The following WWOX variants were observed in gnomAD, a reference collection of about 807,000 sequenced individuals.
WWOX encodes the protein WW domain-containing oxidoreductase.
In WWOX, 69 loss-of-function variants were observed where a neutral mutation model predicts 46.2. The observed-to-expected ratio is 1.49, with a 90% CI of 1.23 to 1.82. The LOEUF (loss-of-function observed/expected upper bound fraction) is 1.82, where lower values mean the gene tolerates loss of function less well. WWOX is among the 40% of genes most tolerant of loss of function. WWOX has a pLI of 0.00. For missense variants in WWOX, 919 were observed against 542.6 expected (o/e 1.69, Z -6.89); for synonymous variants, 359 against 202.6 (o/e 1.77, Z -6.56).
intron 8 of WWOX, among the ~76,000 whole-genome samples, chr16:78,517,910 C>G (rs933564686): frequency 4.5e-4 from 60 of 132,286 alleles, no homozygotes; most frequent in African/African-American, 1.6e-3. Context: ...AATGAAGAAC[C>G]AGGACACCTC....
At chr16:79,049,836 A>G (rs1597324781) in intron 8 of WWOX, among the ~76,000 whole-genome samples, 1 of 132,756 alleles carries the variant, frequency 7.5e-6, no homozygotes, top group African/African-American at 2.6e-5. Flanking sequence ...CTCTGTCTCA[A>G]AAAAAAAAAA....
intron 8 of WWOX, among the ~76,000 whole-genome samples, chr16:78,887,721 C>G (rs998137054): frequency 1.3e-5 from 2 of 152,132 alleles, no homozygotes; most frequent in African/African-American, 2.4e-5. Context: ...CCAGATGTGA[C>G]AAAACAAAAG....
chr16:79,207,569 C>G (rs933312235), intron 8 of WWOX, among the ~76,000 whole-genome samples: 1 of 152,238 alleles, frequency 6.6e-6, no homozygotes, highest in Non-Finnish European at 1.5e-5. Context: ...CATCTACTCT[C>G]TCACAATCAT....
intron 8 of WWOX, among the ~76,000 whole-genome samples, chr16:79,191,412 C>T (rs2051134300): frequency 6.6e-6 from 1 of 152,128 alleles, no homozygotes; most frequent in Non-Finnish European, 1.5e-5. Context: ...GACATCAGGA[C>T]ATGGATTCTA....
intron 5 of WWOX, among the ~76,000 whole-genome samples, chr16:78,373,795 A>G (rs1186876026): frequency 1.3e-5 from 2 of 151,992 alleles, no homozygotes; most frequent in Non-Finnish European, 2.9e-5. Context: ...GAGCATATAT[A>G]TGTATATTTT....
intron 8 of WWOX, among the ~76,000 whole-genome samples, chr16:78,756,010 C>G (rs55779201): frequency 0.14 from 21,074 of 152,156 alleles, 1,871 homozygotes; most frequent in African/African-American, 0.24. Flanking sequence ...GACCAAGTCT[C>G]TTGGAGACAA....
chr16:78,265,630 A>G (rs1306559692), intron 5 of WWOX, among the ~76,000 whole-genome samples: 6 of 151,146 alleles, frequency 4.0e-5, no homozygotes, highest in Non-Finnish European at 1.5e-5. Flanking sequence ...GTCAGCTGAG[A>G]TTGTGCCGTT....
chr16:78,461,950 G>A (rs964944533), intron 8 of WWOX, among the ~76,000 whole-genome samples: 17 of 152,230 alleles, frequency 1.1e-4, no homozygotes, highest in African/African-American at 3.9e-4. Context: ...AGAGCCAGCA[G>A]TATCCCAATG....
chr16:78,385,639 C>T (rs1170257056), intron 5 of WWOX, among the ~76,000 whole-genome samples: 1 of 152,180 alleles, frequency 6.6e-6, no homozygotes, highest in Non-Finnish European at 1.5e-5. Context: ...CAGCCCAGCT[C>T]CTGTCCATCC....
intron 8 of WWOX, among the ~76,000 whole-genome samples, chr16:79,029,110 C>G (rs2047702876): frequency 6.6e-6 from 1 of 152,276 alleles, no homozygotes; most frequent in East Asian, 1.9e-4. Context: ...GCTGAGGTAT[C>G]TCAGGATAGC....
At chr16:78,189,663 A>T (rs575996382) in intron 5 of WWOX, among the ~76,000 whole-genome samples, 2 of 152,158 alleles carry the variant, frequency 1.3e-5, no homozygotes, top group Admixed American at 1.3e-4. Context: ...TAATTAACTT[A>T]TTTATTTTTG....
chr16:78,739,937 C>T lies in WWOX; in HGVS notation c.1056+307185C>T, dbSNP rs140255898. Reference sequence around the variant, plus strand: ...ATTTATTATTGCTAGGATGCATATACACATTGAACTCAGTCAACTTACTCT... The same window carrying T: ...ATTTATTATTGCTAGGATGCATATATACATTGAACTCAGTCAACTTACTCT... On this transcript the variant is annotated intron_variant, in intron 8 of 8. Coordinates refer to ENST00000566780, the MANE Select transcript of WWOX (RefSeq NM_016373.4). 4.6e-5 allele frequency among the ~76,000 whole-genome samples: 7 copies of T among 152,250 alleles called. No individual in the cohort carries two copies. The East Asian group carries it at 1.4e-3, about 29-fold the overall frequency.
chr16:78,711,569 A>C (rs2048445329), intron 8 of WWOX, among the ~76,000 whole-genome samples: 1 of 152,256 alleles, frequency 6.6e-6, no homozygotes, highest in Admixed American at 6.5e-5. Flanking sequence ...AAGTGTGAGC[A>C]GATGACGGAA....
chr16:78,890,426 C>T (rs969040525), intron 8 of WWOX: 2 of 151,824 alleles, frequency 1.3e-5, no homozygotes, highest in African/African-American at 4.9e-5. Flanking sequence ...TCCCTCCCAC[C>T]CTATCTGGGC....
intron 8 of WWOX, among the ~76,000 whole-genome samples, chr16:78,751,827 A>G (rs2049487979): frequency 6.6e-6 from 1 of 151,800 alleles, no homozygotes; most frequent in Non-Finnish European, 1.5e-5. Flanking sequence ...ATTTTCTAGA[A>G]AAAGAAAGGA....
intron 8 of WWOX, among the ~76,000 whole-genome samples, chr16:79,191,051 T>C (rs779916557): frequency 6.6e-6 from 1 of 152,108 alleles, no homozygotes; most frequent in African/African-American, 2.4e-5. Context: ...TTTTGTTGTT[T>C]GTTTGTTTTT....
At chr16:79,056,215 C>CAAAAAAAAAAAAA (rs199968406) in intron 8 of WWOX, among the ~76,000 whole-genome samples, 1 of 139,132 alleles carries the variant, frequency 7.2e-6, no homozygotes. Context: ...GTCACTAGAC[C>CAAAAAAAAAAAAA]AAAAAAAAAA....
At chr16:78,910,825 C>T (rs1212123930) in intron 8 of WWOX, among the ~76,000 whole-genome samples, 2 of 151,852 alleles carry the variant, frequency 1.3e-5, no homozygotes, top group Admixed American at 6.6e-5. Flanking sequence ...CCGGGTCCCT[C>T]CCATGACGTG....
At chr16:78,781,284 A>G (rs1239244638) in intron 8 of WWOX, among the ~76,000 whole-genome samples, 1 of 152,210 alleles carries the variant, frequency 6.6e-6, no homozygotes, top group East Asian at 1.9e-4. Flanking sequence ...TATTTTGGAA[A>G]TTCTGCACCT....
Sources: allele counts gnomAD v4.1 joint callset (sites outside exome capture counted in the v4.1 genomes callset), GRCh38; gene constraint gnomAD v4.1.1; transcripts MANE v1.5; gene names NCBI Gene and HGNC (gene_info 2026-07-23, HGNC 2026-07-21).